The following MATCAP2 variants were observed in gnomAD, a reference collection of about 807,000 sequenced individuals.
MATCAP2 encodes the protein microtubule associated tyrosine carboxypeptidase 2, also known as putative tyrosine carboxypeptidase MATCAP2.
chr7:36,376,462 G>A, the MATCAP2 span, among the ~76,000 whole-genome samples: 4 of 152,196 alleles, frequency 2.6e-5, no homozygotes, highest in Admixed American at 2.6e-4. Flanking sequence ...GAGACAGTTT[G>A]TTGTGATTTC....
At chr7:36,389,462 A>C in the MATCAP2 span, among the ~76,000 whole-genome samples, 1 of 152,152 alleles carries the variant, frequency 6.6e-6, no homozygotes, top group Non-Finnish European at 1.5e-5. Context: ...TCCTGGGCTC[A>C]AGCGATCCTC....
the MATCAP2 span, among the ~76,000 whole-genome samples, chr7:36,339,863 G>GA: frequency 1.3e-5 from 2 of 152,014 alleles, no homozygotes; most frequent in Non-Finnish European, 2.9e-5. Flanking sequence ...TTCTTGAAAC[G>GA]GAGTCTCACT....
chr7:36,384,959 T>G, the MATCAP2 span, among the ~76,000 whole-genome samples: 1 of 152,000 alleles, frequency 6.6e-6, no homozygotes, highest in Non-Finnish European at 1.5e-5. Context: ...CTTGTAGGTA[T>G]GATAAGGATA....
chr7:36,389,889 A>G, the MATCAP2 span: 2 of 1,488,664 alleles, frequency 1.3e-6, no homozygotes, highest in Non-Finnish European at 1.9e-6. Context: ...CCGAGAGGAG[A>G]GGACAGCTGG....
the MATCAP2 span, chr7:36,336,316 T>C: frequency 1.3e-6 from 2 of 1,482,902 alleles, no homozygotes; most frequent in African/African-American, 2.8e-5. Flanking sequence ...GAAAGAGAGA[T>C]AATGAAAGTA....
the MATCAP2 span, among the ~76,000 whole-genome samples, chr7:36,347,491 T>A: frequency 6.6e-6 from 1 of 152,160 alleles, no homozygotes; most frequent in Admixed American, 6.5e-5. Context: ...TGGTTTTACA[T>A]TGGGGCCCCA....
At chr7:36,389,269 G>A in the MATCAP2 span, among the ~76,000 whole-genome samples, 2 of 152,060 alleles carry the variant, frequency 1.3e-5, no homozygotes, top group East Asian at 1.9e-4. Flanking sequence ...CACCATGTTG[G>A]CAAGGCTGGT....
At chr7:36,389,832 G>T in the MATCAP2 span, 1 of 1,063,694 alleles carries the variant, frequency 9.4e-7, no homozygotes, top group Non-Finnish European at 1.4e-6. Flanking sequence ...GCTCGGCGCT[G>T]AAATTCAAAT....
chr7:36,364,707 G>A, the MATCAP2 span, among the ~76,000 whole-genome samples: 1 of 152,184 alleles, frequency 6.6e-6, no homozygotes, highest in Non-Finnish European at 1.5e-5. Flanking sequence ...ATGACCAGGG[G>A]AGAGGAGGGC....
chr7:36,351,266 C>T, the MATCAP2 span, among the ~76,000 whole-genome samples: 168 of 152,162 alleles, frequency 1.1e-3, 1 homozygote, highest in African/African-American at 3.6e-3. Context: ...CATGGTAGCC[C>T]GTGCCTATAG....
the MATCAP2 span, among the ~76,000 whole-genome samples, chr7:36,330,176 C>T: frequency 1.3e-5 from 2 of 151,902 alleles, no homozygotes; most frequent in Admixed American, 1.3e-4. Context: ...GCCTCGACCT[C>T]CTGGGCTCAA....
At chr7:36,368,892 T>C in the MATCAP2 span, among the ~76,000 whole-genome samples, 1 of 152,206 alleles carries the variant, frequency 6.6e-6, no homozygotes, top group East Asian at 1.9e-4. Context: ...CCTTACTTCC[T>C]CAGGACTTAA....
At chr7:36,351,389 C>T in the MATCAP2 span, among the ~76,000 whole-genome samples, 1 of 151,552 alleles carries the variant, frequency 6.6e-6, no homozygotes, top group African/African-American at 2.4e-5. Flanking sequence ...GAGCAAGACT[C>T]TGGCTCATAA....
chr7:36,376,005 GT>G, the MATCAP2 span, among the ~76,000 whole-genome samples: 4 of 152,198 alleles, frequency 2.6e-5, no homozygotes, highest in South Asian at 2.1e-4. Flanking sequence ...CTTGCTAGCG[GT>G]TTATCAATTT....
chr7:36,347,654 AT>A, the MATCAP2 span, among the ~76,000 whole-genome samples: 2 of 152,198 alleles, frequency 1.3e-5, no homozygotes, highest in Non-Finnish European at 2.9e-5. Context: ...GAATGTGCTT[AT>A]TTCCCATATG....
chr7:36,328,820 C>T, the MATCAP2 span, among the ~76,000 whole-genome samples: 4 of 151,760 alleles, frequency 2.6e-5, no homozygotes, highest in Admixed American at 6.6e-5. Context: ...CCGAGGCAGG[C>T]GCATCCCGAG....
At chr7:36,344,045 A>C in the MATCAP2 span, among the ~76,000 whole-genome samples, 1 of 152,168 alleles carries the variant, frequency 6.6e-6, no homozygotes, top group Non-Finnish European at 1.5e-5. Flanking sequence ...AAATAAAACT[A>C]TTTTCTTAAA....
the MATCAP2 span, chr7:36,356,010 GAAGAT>G: frequency 6.6e-6 from 1 of 152,166 alleles, no homozygotes; most frequent in African/African-American, 2.4e-5. Context: ...TGCTAAACTT[GAAGAT>G]AATTTTGAAA....
At chr7:36,339,991 T>C in the MATCAP2 span, among the ~76,000 whole-genome samples, 19 of 152,284 alleles carry the variant, frequency 1.2e-4, no homozygotes, top group African/African-American at 4.6e-4. Context: ...GCCTCCTGAG[T>C]AGCTGGGATT....
Sources: allele counts gnomAD v4.1 joint callset (sites outside exome capture counted in the v4.1 genomes callset), GRCh38; gene constraint gnomAD v4.1.1; transcripts MANE v1.5; gene names NCBI Gene and HGNC (gene_info 2026-07-23, HGNC 2026-07-21).